Variants in PCDHGA5 observed in about 807,000 individuals in gnomAD.
The protein encoded by PCDHGA5 is protocadherin gamma subfamily A, 5.
PCDHGA5 carries 36 observed loss-of-function variants against 56.7 expected under a neutral mutation model. The observed-to-expected ratio is 0.64, with a 90% CI of 0.49 to 0.84. PCDHGA5 has a LOEUF of 0.84. Among genes scored for constraint, PCDHGA5 ranks in the 40% least tolerant of loss-of-function variants. The pLI is 0.00. For missense variants in PCDHGA5, 1,305 were observed against 1,201.5 expected (o/e 1.09, Z -1.27); for synonymous variants, 563 against 520.2 (o/e 1.08, Z -1.12).
At position 141,394,905 on chromosome 5, in the gene PCDHGA5, G is replaced by A. The variant is rs1281710551; in HGVS notation, c.2421+28154G>A. On this transcript the variant is annotated intron_variant, in intron 1 of 3. Transcript: ENST00000518069. ...TACACTCTATCTCGTGGTGGCAGTG[G>A]CTGCCATCTCCTGTGTCTTCCTCGC... The A allele has an allele frequency of 1.2e-6, 2 of 1,613,720 alleles. No individual in the cohort carries two copies. Among genetic ancestry groups the A allele is most frequent in the Non-Finnish European group, 1.7e-6 (2 of 1,179,870 alleles).
At position 141,365,876 on chromosome 5, in the gene PCDHGA5, G is replaced by T; in HGVS notation, c.1546G>T (p.Ala516Ser). 2 of 1,614,122 alleles carry T rather than the reference G, an allele frequency of 1.2e-6. No individual in the cohort carries two copies. The highest frequency in any genetic ancestry group is 1.7e-6 in the Non-Finnish European group (2 of 1,179,966). Residue 516 changes from alanine (A) to serine (S), a missense_variant, in exon 1 of 4, where the codon GCT becomes TCT. By Grantham distance (99) the Ala-to-Ser change is moderately conservative (BLOSUM62 1). Coordinates refer to ENST00000518069, the MANE Select transcript of PCDHGA5 (RefSeq NM_018918.3). Reference sequence around the variant, plus strand: ...TAACTCTGACACCGGTGTCCTGTATGCTCTGAGATCCTTCGACTATGAGCA... The same window carrying T: ...TAACTCTGACACCGGTGTCCTGTATTCTCTGAGATCCTTCGACTATGAGCA... ...SINSDTGVLY[A>S]LRSFDYEQLR... is the part of the protein sequence containing the mutation.
Position 141,489,802 on chromosome 5 carries a change from G to A in PCDHGA5, c.2422-5005G>A, listed in dbSNP as rs2099692541. On this transcript the variant is annotated intron_variant, in intron 1 of 3. Transcript: ENST00000518069. The surrounding 1 kb of genome is among the most constrained non-coding windows in gnomAD (Gnocchi z 4.5). ...TCTGAATGTGAAGACCCTAAAAGAT[G>A]GGAAGCCATTCCCAGAGCTGGTGCT... is the stretch of plus-strand genomic sequence containing the variant. 6.2e-7 allele frequency: 1 copy of A among 1,614,042 alleles called. No homozygotes were observed. The highest frequency in any genetic ancestry group is 1.1e-5 in the South Asian group (1 of 91,088).
chr5:141,418,576 C>T, intron 1 of PCDHGA5: 2 of 1,614,012 alleles, frequency 1.2e-6, no homozygotes, highest in South Asian at 1.1e-5. Flanking sequence ...ATGACAACCC[C>T]CCAGTGTTCA....
At chr5:141,419,405 G>T (rs1219399978) in intron 1 of PCDHGA5, 1 of 1,613,512 alleles carries the variant, frequency 6.2e-7, no homozygotes, top group South Asian at 1.1e-5. Context: ...GGTGGTGTTC[G>T]CGCAGCGCGC....
At chr5:141,374,879 G>A in intron 1 of PCDHGA5, 1 of 1,613,694 alleles carries the variant, frequency 6.2e-7, no homozygotes, top group Non-Finnish European at 8.5e-7. Flanking sequence ...GGCAGTGACT[G>A]CCACCGACCA....
chr5:141,456,140 G>A (rs1032104368), intron 1 of PCDHGA5, among the ~76,000 whole-genome samples: 38 of 152,022 alleles, frequency 2.5e-4, no homozygotes, highest in African/African-American at 8.7e-4. Flanking sequence ...CTCCTGATCC[G>A]CCCGCCTCGG....
chr5:141,483,588 A>G (rs2099583207), intron 1 of PCDHGA5, among the ~76,000 whole-genome samples: 1 of 152,112 alleles, frequency 6.6e-6, no homozygotes, highest in African/African-American at 2.4e-5. Flanking sequence ...AACACCTAAT[A>G]GGTCAGGCTG....
At chr5:141,418,577 C>T (rs1173424447) in intron 1 of PCDHGA5, 2 of 1,614,038 alleles carry the variant, frequency 1.2e-6, no homozygotes, top group South Asian at 1.1e-5. Context: ...TGACAACCCC[C>T]CAGTGTTCAG....
Position 141,511,376 on chromosome 5 carries a change from G to C in PCDHGA5, c.*203G>C. ...CCAGGGGGTTGAATATGCAAAAGCA[G>C]TTCCGCTGGGAACCCCCATCCAATC... On this transcript the variant is annotated 3_prime_UTR_variant, in exon 4 of 4. Coordinates refer to ENST00000518069, the MANE Select transcript of PCDHGA5 (RefSeq NM_018918.3). 1 of 1,211,520 alleles carries C rather than the reference G, an allele frequency of 8.3e-7. No homozygotes were observed. The allele number at this position is 1,211,520 out of a possible 1,614,324, so 75.0% of individuals were successfully genotyped here.
At chr5:141,392,994 A>T in intron 1 of PCDHGA5, 1 of 1,613,910 alleles carries the variant, frequency 6.2e-7, no homozygotes, top group Non-Finnish European at 8.5e-7. Context: ...GAAGCTGGCG[A>T]AGCACGGAGT....
chr5:141,483,764 A>G (rs1170910094), intron 1 of PCDHGA5, among the ~76,000 whole-genome samples: 1 of 152,104 alleles, frequency 6.6e-6, no homozygotes, highest in East Asian at 1.9e-4. Context: ...AGGCTTGGAA[A>G]AATATTGGGG....
chr5:141,415,740 G>GTTTTTTTTTTTTTTTT (rs57426385), intron 1 of PCDHGA5: 34 of 625,042 alleles, frequency 5.4e-5, no homozygotes, highest in African/African-American at 2.0e-4. Flanking sequence ...GTTTATTAAG[G>GTTTTTTTTTTTTTTTT]TTTTTTTTTT....
In PCDHGA5 at chr5:141,432,508, G is replaced by A. The variant is rs1306067848; in HGVS notation, c.2422-62299G>A. ...TGGAGCTGGCTCCCCGCTCCGCAGA[G>A]CCCGGCTACCTGGTGACCAAGGTGG... On this transcript the variant is annotated intron_variant, in intron 1 of 3. Coordinates refer to ENST00000518069, the MANE Select transcript of PCDHGA5 (RefSeq NM_018918.3). This position sits in a 1 kb window ranked among gnomAD's most constrained non-coding sequence, Gnocchi z 6.0. The A allele has an allele frequency of 1.9e-6, 3 of 1,614,136 alleles. No individual in the cohort carries two copies. Among genetic ancestry groups the A allele is most frequent in the Non-Finnish European group, 2.5e-6 (3 of 1,180,034 alleles).
At position 141,364,381 on chromosome 5, in the gene PCDHGA5, C is replaced by A. The variant is rs1763293238; in HGVS notation, c.51C>A (p.Phe17Leu). The change falls in exon 1 of 4, where the codon TTC becomes TTA. Residue 17 changes from phenylalanine (F) to leucine (L), a missense_variant. Coordinates refer to ENST00000518069, the MANE Select transcript of PCDHGA5 (RefSeq NM_018918.3). ...GCTGCGGAGAGCTGCTGCTGCCCTTCATGCTCCTGGGGACGCTGTGCGAGC... is the reference window on the plus strand; with the variant it reads ...GCTGCGGAGAGCTGCTGCTGCCCTTAATGCTCCTGGGGACGCTGTGCGAGC... The part of the protein sequence containing the change: ...GWGCGELLLP[F>L]MLLGTLCEPG... The A allele has an allele frequency of 1.9e-6, 3 of 1,581,268 alleles. No homozygotes were observed. In the South Asian group the frequency reaches 3.5e-5, roughly 18 times the overall value.
chr5:141,400,528 A>G, intron 1 of PCDHGA5: 2 of 1,613,868 alleles, frequency 1.2e-6, no homozygotes, highest in South Asian at 2.2e-5. Flanking sequence ...TGAGTTGGTG[A>G]GTTTCATTTA....
intron 2 of PCDHGA5, among the ~76,000 whole-genome samples, chr5:141,495,826 A>G (rs1190417828): frequency 6.6e-6 from 1 of 150,888 alleles, no homozygotes; most frequent in African/African-American, 2.4e-5. Flanking sequence ...GTGTTCTTCT[A>G]TCCCCAGCCT....
At chr5:141,427,869 A>G in intron 1 of PCDHGA5, 3 of 1,559,604 alleles carry the variant, frequency 1.9e-6, no homozygotes, top group Non-Finnish European at 2.6e-6. Flanking sequence ...CTTCGAGCTC[A>G]CGATGCAGGC....
At chr5:141,415,282 G>A in intron 1 of PCDHGA5, 1 of 1,614,224 alleles carries the variant, frequency 6.2e-7, no homozygotes, top group Non-Finnish European at 8.5e-7. Flanking sequence ...AGCGGTGGCC[G>A]CGGTCTCCTG....
chr5:141,374,154 G>A (rs376984494), intron 1 of PCDHGA5: 19 of 1,611,790 alleles, frequency 1.2e-5, no homozygotes, highest in East Asian at 2.2e-5. Flanking sequence ...GGGACGCTGT[G>A]GGGGGCCGCG....
Sources: gnomAD v4.1 joint callset for allele counts (sites outside exome capture counted in the v4.1 genomes callset) on GRCh38, gnomAD v4.1.1 for gene constraint, Gnocchi (gnomAD v3.1) non-coding constraint, MANE v1.5 for transcripts, NCBI Gene and HGNC (gene_info 2026-07-23, HGNC 2026-07-21) for gene names.